Variants in DCTN3 observed in about 807,000 individuals in gnomAD.
DCTN3 encodes dynactin subunit 3.
DCTN3 carries 25 observed loss-of-function variants against 28.4 expected under a neutral mutation model. That is an observed-to-expected ratio of 0.88 (90% CI 0.64 to 1.23). DCTN3 has a LOEUF of 1.23. Among genes scored for constraint, DCTN3 ranks in the 50% most tolerant of loss-of-function variants. The pLI, the probability that DCTN3 is intolerant of heterozygous loss-of-function variation, is 0.00. For missense variants in DCTN3, 229 were observed against 232.0 expected (o/e 0.99, Z 0.08); for synonymous variants, 81 against 91.4 (o/e 0.89, Z 0.65).
At chr9:34,618,853 C>A in intron 1 of DCTN3, 93 bp from the exon 2 acceptor site, 1 of 996,556 alleles carries the variant, frequency 1.0e-6, no homozygotes, top group East Asian at 2.5e-5. Flanking sequence ...ACTCTCAAAC[C>A]TGAATCCCAG....
intron 4 of DCTN3, 131 bp downstream of exon 4, chr9:34,615,899 C>A (rs201611471): frequency 2.5e-3 from 1,117 of 450,194 alleles, no homozygotes; most frequent in African/African-American, 7.3e-3. Context: ...CGACTCTGTC[C>A]AAAAAAAAAA....
intron 5 of DCTN3, 95 bp from the exon 6 acceptor site, chr9:34,614,196 A>G (rs746571703): frequency 6.2e-7 from 1 of 1,607,194 alleles, no homozygotes. Context: ...CTCCCCATGG[A>G]GCCTAAAAAA....
At position 34,620,466 on chromosome 9, in the gene DCTN3, G is replaced by T. The variant is rs1402959165; in HGVS notation, c.-2C>A. 6.5e-7 allele frequency: 1 copy of T among 1,549,718 alleles called. No homozygotes were observed. The highest frequency in any genetic ancestry group is 1.2e-5 in the South Asian group (1 of 84,214). ...CTGCAAGTCAGTCAGACCCGCCATCGCTACTACCGACCCACCTCGGCCAGG... is the reference window on the plus strand; with the variant it reads ...CTGCAAGTCAGTCAGACCCGCCATCTCTACTACCGACCCACCTCGGCCAGG... On this transcript the variant is annotated 5_prime_UTR_variant, in exon 1 of 7. Transcript: ENST00000259632.
In DCTN3 at chr9:34,618,009, G is replaced by A. The variant is rs1210474750; in HGVS notation, c.182-38C>T. 2.5e-6 allele frequency: 4 copies of A among 1,596,954 alleles called. No individual in the cohort carries two copies. The Admixed American group carries it at 6.7e-5, about 27-fold the overall frequency. ...CAAGATGGAAAATGGAATAGGGTTG[G>A]GCAGTAGAGCTCTGCCTTATGAAGG... On this transcript the variant is annotated intron_variant, in intron 2 of 6. Coordinates refer to ENST00000259632, the MANE Select transcript of DCTN3 (RefSeq NM_007234.5).
intron 1 of DCTN3, among the ~76,000 whole-genome samples, 174 bp from the exon 2 acceptor site, chr9:34,618,934 GGA>G (rs1458830894): frequency 6.6e-6 from 1 of 152,200 alleles, no homozygotes; most frequent in Non-Finnish European, 1.5e-5. Flanking sequence ...TCCTTAAAGT[GGA>G]GAGAGAGAAT....
Position 34,614,022 on chromosome 9 carries a change from T to C in DCTN3, c.471+20A>G. 1.2e-6 allele frequency: 2 copies of C among 1,605,352 alleles called. No homozygotes were observed. The highest frequency in any genetic ancestry group is 1.3e-5 in the African/African-American group (1 of 74,832). On this transcript the variant is annotated intron_variant, in intron 6 of 6. Transcript: ENST00000259632. Reference sequence around the variant, plus strand: ...TTAGGGACAGCACCCATTAGGGTCCTAGTTGAGCAGAAAGGATACAGTCTT... The same window carrying C: ...TTAGGGACAGCACCCATTAGGGTCCCAGTTGAGCAGAAAGGATACAGTCTT...
intron 4 of DCTN3, 168 bp downstream of exon 4, chr9:34,615,862 C>G: frequency 2.0e-6 from 1 of 510,398 alleles, no homozygotes; most frequent in East Asian, 3.3e-5. Context: ...GATCATGCCA[C>G]TGCACTCCAG....
In DCTN3 at chr9:34,616,439, A is replaced by C; in HGVS notation, c.269-326T>G. The C allele has an allele frequency of 9.3e-6, 2 of 214,444 alleles. No homozygotes were observed. The highest frequency in any genetic ancestry group is 1.9e-5 in the Non-Finnish European group (2 of 105,490). The allele number at this position is 214,444 out of a possible 1,614,324, so 13.3% of individuals were successfully genotyped here. A position where few individuals can be genotyped will look rare whatever the true frequency, so the allele number is the denominator to read the frequency against. On this transcript the variant is annotated intron_variant, in intron 3 of 6. Coordinates refer to ENST00000259632, the MANE Select transcript of DCTN3 (RefSeq NM_007234.5). This position sits in a 1 kb window ranked among gnomAD's most constrained non-coding sequence, Gnocchi z 4.7. ...CACCTCCTAGGCCACAAAATACAAA[A>C]TACTTCAGACTTGGATCCCCACACC...
intron 4 of DCTN3, chr9:34,615,093 T>G (rs1820393184): frequency 3.6e-6 from 1 of 278,250 alleles, no homozygotes; most frequent in African/African-American, 2.2e-5. Flanking sequence ...CCTGTCCCTT[T>G]GCTCTCAGCC....
intron 1 of DCTN3, among the ~76,000 whole-genome samples, chr9:34,619,144 C>T (rs1820493727): frequency 6.6e-6 from 1 of 152,202 alleles, no homozygotes; most frequent in South Asian, 2.1e-4. Flanking sequence ...CCCTCCACAT[C>T]AAATTTGGTG....
chr9:34,616,134 A>G lies in DCTN3; in HGVS notation c.269-21T>C, dbSNP rs757694860. 1 of 1,608,354 alleles carries G rather than the reference A, an allele frequency of 6.2e-7. No homozygotes were observed. Among genetic ancestry groups the G allele is most frequent in the Non-Finnish European group, 8.5e-7 (1 of 1,174,986 alleles). On this transcript the variant is annotated intron_variant, in intron 3 of 6. Coordinates refer to ENST00000259632, the MANE Select transcript of DCTN3 (RefSeq NM_007234.5). The surrounding 1 kb of genome is among the most constrained non-coding windows in gnomAD (Gnocchi z 4.7). ...CTCCTCTAAAGCAAAAATGGACAAG[A>G]TAGTTGCAGTGAAGCAAACCTGGGC...
chr9:34,620,303 G>A (rs924641035), intron 1 of DCTN3, 66 bp downstream of exon 1: 34 of 1,428,956 alleles, frequency 2.4e-5, no homozygotes, highest in Non-Finnish European at 3.3e-5. Context: ...GTTGCATCCC[G>A]AGGGCCAGGA....
intron 1 of DCTN3, among the ~76,000 whole-genome samples, chr9:34,619,344 T>C (rs2132304813): frequency 6.6e-6 from 1 of 152,380 alleles, no homozygotes. Flanking sequence ...AGTCTGGTTC[T>C]CAGAACAGAA....
At chr9:34,617,112 T>C (rs949122318) in intron 3 of DCTN3, among the ~76,000 whole-genome samples, 12 of 152,246 alleles carry the variant, frequency 7.9e-5, no homozygotes, top group African/African-American at 2.4e-4. Context: ...GCGATGGCAA[T>C]TGACCAAGAG....
intron 3 of DCTN3, among the ~76,000 whole-genome samples, chr9:34,617,043 G>A (rs1277284180): frequency 6.6e-6 from 1 of 152,186 alleles, no homozygotes; most frequent in Non-Finnish European, 1.5e-5. Flanking sequence ...GCCACAGGGA[G>A]GGATGGAGAG....
chr9:34,614,179 A>G (rs1164247837), intron 5 of DCTN3, 78 bp from the exon 6 acceptor site: 2 of 1,612,100 alleles, frequency 1.2e-6, no homozygotes, highest in Admixed American at 3.3e-5. Context: ...CTCATCACGG[A>G]CTCCCACTCC....
In DCTN3 at chr9:34,614,791, C is replaced by A. The variant is rs201976373; in HGVS notation, c.353-23G>T. The A allele has an allele frequency of 1.5e-4, 250 of 1,613,700 alleles. No individual in the cohort carries two copies. The Middle Eastern group carries it at 3.8e-3, about 24-fold the overall frequency. On this transcript the variant is annotated intron_variant, in intron 4 of 6. Coordinates refer to ENST00000259632, the MANE Select transcript of DCTN3 (RefSeq NM_007234.5). ...CGGCTGTAAAACACAACACACACTG[C>A]TGGATGATGCTTGTGCCCTCCCCCG... is the stretch of plus-strand genomic sequence containing the variant.
chr9:34,613,811 CG>C lies in DCTN3; in HGVS notation c.531del (p.Ala178ProfsTer4), dbSNP rs1267822147. Reference protein sequence around the residue: ...QWDELLCQLEAATQVKPAEE With the variant: ...QWDELLCQLEXATQVKPAEE ...TCCTCTGCTGGCTTCACTTGCGTGG[CG>C]GCCTCTAGCTGGCAAAGTAGCTCAT... is the stretch of plus-strand genomic sequence containing the variant. On this transcript the variant is annotated frameshift_variant, in exon 7 of 7. Transcript: ENST00000259632. LOFTEE classifies it high-confidence loss of function. The C allele has an allele frequency of 1.7e-5, 27 of 1,613,924 alleles. No homozygotes were observed. The highest frequency in any genetic ancestry group is 2.1e-5 in the Non-Finnish European group (25 of 1,179,970).
rs1425516013 is a variant in DCTN3 at position 34,616,516 on chromosome 9, A to G, written c.269-403T>C. On this transcript the variant is annotated intron_variant, in intron 3 of 6. Transcript: ENST00000259632. The surrounding 1 kb of genome is among the most constrained non-coding windows in gnomAD (Gnocchi z 4.7). ...AGATATGTGGCAGACTACGCCAGGC[A>G]GGTTCTGCTCAGTGGCTCTCAGAGG... is the stretch of plus-strand genomic sequence containing the variant. 5.7e-6 allele frequency: 1 copy of G among 174,874 alleles called. No individual in the cohort carries two copies. The highest frequency in any genetic ancestry group is 1.2e-5 in the Non-Finnish European group (1 of 81,832). 10.8% of individuals were successfully genotyped at this position (174,874 alleles called of 1,614,324 possible). A position where few individuals can be genotyped will look rare whatever the true frequency, so the allele number is the denominator to read the frequency against.
Sources: gnomAD v4.1 joint callset for allele counts (sites outside exome capture counted in the v4.1 genomes callset) on GRCh38, gnomAD v4.1.1 for gene constraint, Gnocchi (gnomAD v3.1) non-coding constraint, MANE v1.5 for transcripts, NCBI Gene and HGNC (gene_info 2026-07-23, HGNC 2026-07-21) for gene names.